ATP8A1: variants seen among roughly 807,000 people sequenced by gnomAD.
ATP8A1 encodes the protein phospholipid-transporting ATPase IA.
ATP8A1 carries 90 observed loss-of-function variants against 177.7 expected under a neutral mutation model. The ratio of observed to expected loss-of-function variants is 0.51; its 90% CI spans 0.43 to 0.60. The LOEUF (loss-of-function observed/expected upper bound fraction) is 0.60. ATP8A1 is among the 20% of genes least tolerant of loss of function. ATP8A1 has a pLI of 0.00. For synonymous variants in ATP8A1, 493 were observed against 485.9 expected (o/e 1.01, Z -0.19); for missense variants, 1,072 against 1,392.8 (o/e 0.77, Z 3.67).
chr4:42,648,832 TTAAACC>T (rs1740811566), intron 1 of ATP8A1, among the ~76,000 whole-genome samples: 1 of 152,120 alleles, frequency 6.6e-6, no homozygotes, highest in African/African-American at 2.4e-5. Flanking sequence ...CCAAAATATG[TTAAACC>T]TAATAAAGCA....
intron 4 of ATP8A1, among the ~76,000 whole-genome samples, chr4:42,618,754 A>G (rs1372686333): frequency 6.6e-6 from 1 of 152,214 alleles, no homozygotes; most frequent in Non-Finnish European, 1.5e-5. Flanking sequence ...CATGTTAGAT[A>G]GTGGTAAGTC....
chr4:42,646,633 T>C (rs1369814345), intron 1 of ATP8A1, among the ~76,000 whole-genome samples: 2 of 152,186 alleles, frequency 1.3e-5, no homozygotes, highest in Non-Finnish European at 2.9e-5. Flanking sequence ...AATCTTGTAC[T>C]CTAAACAGGT....
chr4:42,461,882 G>C (rs1348391869), intron 27 of ATP8A1, among the ~76,000 whole-genome samples: 1 of 152,226 alleles, frequency 6.6e-6, no homozygotes, highest in African/African-American at 2.4e-5. Context: ...GGTGGTTTCA[G>C]ATGGAGATGA....
At chr4:42,628,229 G>A (rs543488737) in intron 1 of ATP8A1, among the ~76,000 whole-genome samples, 1 of 152,296 alleles carries the variant, frequency 6.6e-6, no homozygotes, top group East Asian at 1.9e-4. Flanking sequence ...AAAAACAACT[G>A]TTGGCCAAGT....
At chr4:42,648,288 T>C (rs1294789438) in intron 1 of ATP8A1, among the ~76,000 whole-genome samples, 1 of 151,732 alleles carries the variant, frequency 6.6e-6, no homozygotes, top group South Asian at 2.1e-4. Flanking sequence ...GCTAAGAGAA[T>C]ATTTTTTGTT....
chr4:42,475,092 T>A (rs1471514946), intron 25 of ATP8A1, among the ~76,000 whole-genome samples: 1 of 152,160 alleles, frequency 6.6e-6, no homozygotes, highest in African/African-American at 2.4e-5. Flanking sequence ...GCACAAACAA[T>A]ATTTATTAAG....
intron 33 of ATP8A1, among the ~76,000 whole-genome samples, chr4:42,439,761 CT>C (rs1441194556): frequency 6.6e-6 from 1 of 152,178 alleles, no homozygotes; most frequent in Non-Finnish European, 1.5e-5. Flanking sequence ...ATTTCCTTTC[CT>C]TTACAAATCC....
chr4:42,416,147 T>C (rs186304245), intron 35 of ATP8A1, among the ~76,000 whole-genome samples: 1 of 152,320 alleles, frequency 6.6e-6, no homozygotes, highest in East Asian at 1.9e-4. Flanking sequence ...ACTCTTTAAA[T>C]GATCTAGCAT....
intron 1 of ATP8A1, chr4:42,637,167 T>G (rs1429153089): frequency 1.9e-6 from 1 of 518,954 alleles, no homozygotes; most frequent in Admixed American, 1.9e-5. Context: ...GCTTTTCTGA[T>G]CAACATGGAA....
intron 20 of ATP8A1, among the ~76,000 whole-genome samples, chr4:42,530,530 T>C (rs1427626362): frequency 1.3e-5 from 2 of 152,168 alleles, no homozygotes; most frequent in Non-Finnish European, 2.9e-5. Context: ...ATGCATCCAC[T>C]GTCACAGTAT....
At chr4:42,563,904 A>T (rs537059842) in intron 15 of ATP8A1, among the ~76,000 whole-genome samples, 41 of 152,326 alleles carry the variant, frequency 2.7e-4, no homozygotes, top group African/African-American at 8.4e-4. Context: ...AGACCAGCCC[A>T]GCCAACTGGG....
At chr4:42,568,022 T>A (rs1473546570) in intron 15 of ATP8A1, among the ~76,000 whole-genome samples, 1 of 152,220 alleles carries the variant, frequency 6.6e-6, no homozygotes, top group East Asian at 1.9e-4. Context: ...TTTAACTACT[T>A]CTCAAAGGAT....
At chr4:42,463,571 C>G (rs1719403971) in intron 27 of ATP8A1, among the ~76,000 whole-genome samples, 3 of 152,210 alleles carry the variant, frequency 2.0e-5, no homozygotes, top group Admixed American at 2.0e-4. Context: ...TCCTGGAGGA[C>G]AGGAACCATG....
At chr4:42,414,811 C>T in intron 35 of ATP8A1, 93 bp from the exon 36 acceptor site, 1 of 888,340 alleles carries the variant, frequency 1.1e-6, no homozygotes. Context: ...TAGACTTAAA[C>T]AAAAGATTGC....
rs370347921 is a variant in ATP8A1 at position 42,465,097 on chromosome 4, C to A, written c.2325-21G>T. The A allele has an allele frequency of 6.7e-5, 106 of 1,592,898 alleles. No individual in the cohort carries two copies. The African/African-American group carries it at 1.1e-3, about 17-fold the overall frequency. On this transcript the variant is annotated intron_variant, in intron 25 of 36. Transcript: ENST00000381668. ...AAACCCTGAAATTGAAACACATTAT[C>A]AATTACTGTTTTCTGAAAAAAGGAA...
intron 5 of ATP8A1, among the ~76,000 whole-genome samples, chr4:42,603,320 T>G (rs1048760569): frequency 2.0e-5 from 3 of 152,226 alleles, no homozygotes; most frequent in African/African-American, 7.2e-5. Flanking sequence ...TTTTATGTTT[T>G]TTCTTAACCT....
At chr4:42,460,038 C>T (rs373615399) in intron 27 of ATP8A1, among the ~76,000 whole-genome samples, 1 of 152,048 alleles carries the variant, frequency 6.6e-6, no homozygotes. Context: ...TGATCCACCC[C>T]CCTCGGCCTC....
chr4:42,640,408 T>C (rs912088408), intron 1 of ATP8A1, among the ~76,000 whole-genome samples: 1 of 152,238 alleles, frequency 6.6e-6, no homozygotes, highest in Admixed American at 6.5e-5. Context: ...AATAATGCTA[T>C]TGGCCAATGA....
intron 1 of ATP8A1, among the ~76,000 whole-genome samples, chr4:42,638,501 A>C (rs1450594232): frequency 6.6e-6 from 1 of 152,220 alleles, no homozygotes; most frequent in Non-Finnish European, 1.5e-5. Context: ...CACACATAGT[A>C]AACAGTCAAT....
Sources: gnomAD v4.1 joint callset for allele counts (sites outside exome capture counted in the v4.1 genomes callset) on GRCh38, gnomAD v4.1.1 for gene constraint, MANE v1.5 for transcripts, NCBI Gene and HGNC (gene_info 2026-07-23, HGNC 2026-07-21) for gene names.